The following GUCY1A2 variants were observed in gnomAD, a reference collection of about 807,000 sequenced individuals.
The protein encoded by GUCY1A2 is guanylate cyclase 1 soluble subunit alpha 2.
GUCY1A2 carries 27 observed loss-of-function variants against 63.5 expected under a neutral mutation model. The ratio of observed to expected loss-of-function variants is 0.43; its 90% CI spans 0.31 to 0.59. The LOEUF (loss-of-function observed/expected upper bound fraction) is 0.59, where lower values mean the gene tolerates loss of function less well. Ranked by LOEUF, GUCY1A2 falls within the 20% of genes least tolerant of loss-of-function variation. GUCY1A2 has a pLI of 0.11. For synonymous variants in GUCY1A2, 364 were observed against 343.5 expected (o/e 1.06, Z -0.66); for missense variants, 768 against 913.3 (o/e 0.84, Z 2.05).
intron 4 of GUCY1A2, among the ~76,000 whole-genome samples, chr11:106,914,964 T>C (rs548345434): frequency 2.6e-5 from 4 of 152,198 alleles, no homozygotes; most frequent in African/African-American, 9.6e-5. Context: ...ACATTTTATG[T>C]TGAAATTTAA....
At chr11:106,936,637 G>GTT (rs770162749) in intron 4 of GUCY1A2, 37 of 1,488,642 alleles carry the variant, frequency 2.5e-5, no homozygotes, top group Non-Finnish European at 3.3e-5. Flanking sequence ...ATCTGGAAGA[G>GTT]TTTTTTTCTA....
intron 4 of GUCY1A2, among the ~76,000 whole-genome samples, chr11:106,833,062 T>C (rs553019005): frequency 1.5e-3 from 227 of 152,142 alleles, no homozygotes; most frequent in African/African-American, 4.9e-3. Context: ...TCTCCTAGGT[T>C]CTGGTAGTTC....
At chr11:106,957,914 A>G (rs1038664262) in intron 3 of GUCY1A2, among the ~76,000 whole-genome samples, 1 of 147,930 alleles carries the variant, frequency 6.8e-6, no homozygotes, top group African/African-American at 2.5e-5. Context: ...GTTGTGGTAA[A>G]GAAATGAAAT....
At chr11:107,006,812 C>T (rs968138299) in intron 1 of GUCY1A2, among the ~76,000 whole-genome samples, 4 of 152,282 alleles carry the variant, frequency 2.6e-5, no homozygotes, top group South Asian at 2.1e-4. Context: ...ACAGGTGAAC[C>T]TTTGGGATTA....
At chr11:106,861,136 G>A (rs1859506007) in intron 4 of GUCY1A2, among the ~76,000 whole-genome samples, 2 of 151,874 alleles carry the variant, frequency 1.3e-5, no homozygotes, top group Admixed American at 1.3e-4. Flanking sequence ...ACAGGGTCTA[G>A]ATAAACCCAG....
Position 106,939,745 on chromosome 11 carries a change from C to T in GUCY1A2, c.921G>A (p.Gln307=). 1 of 1,613,936 alleles carries T rather than the reference C, an allele frequency of 6.2e-7. No individual in the cohort carries two copies. Among genetic ancestry groups the T allele is most frequent in the Non-Finnish European group, 8.5e-7 (1 of 1,179,876 alleles). ...GGTCCGCAGGAACTTGGGAGGTTCC[C>T]TGTGGAAGGTTCTTCATGATATTAG... ...ENTNIMKNLP[Q]GTSQVPADLR... Residue 307 remains glutamine (Q), a synonymous_variant, in exon 4 of 8, where the codon CAG becomes CAA. Coordinates refer to ENST00000526355, the MANE Select transcript of GUCY1A2 (RefSeq NM_000855.3).
intron 2 of GUCY1A2, among the ~76,000 whole-genome samples, chr11:106,985,316 G>C (rs1284538733): frequency 6.6e-6 from 1 of 152,190 alleles, no homozygotes; most frequent in Admixed American, 6.5e-5. Context: ...CTAAAAGCTA[G>C]ATTGCATGAG....
At chr11:106,831,556 C>T (rs556179651) in intron 4 of GUCY1A2, among the ~76,000 whole-genome samples, 36 of 152,328 alleles carry the variant, frequency 2.4e-4, no homozygotes, top group Admixed American at 2.0e-4. Context: ...TACAGCTATA[C>T]TGACTGAGTT....
intron 6 of GUCY1A2, among the ~76,000 whole-genome samples, chr11:106,723,211 G>A (rs779133379): frequency 6.6e-5 from 10 of 152,082 alleles, no homozygotes; most frequent in African/African-American, 1.4e-4. Context: ...CCATGTCTGC[G>A]TATAAGTTGT....
At chr11:106,969,419 A>G (rs1348762822) in intron 3 of GUCY1A2, among the ~76,000 whole-genome samples, 1 of 152,234 alleles carries the variant, frequency 6.6e-6, no homozygotes, top group East Asian at 1.9e-4. Flanking sequence ...CAATGAAAGC[A>G]GAGAGATAAC....
chr11:107,010,886 C>T (rs536158654), intron 1 of GUCY1A2, among the ~76,000 whole-genome samples: 129 of 152,040 alleles, frequency 8.5e-4, no homozygotes, highest in East Asian at 2.9e-3. Context: ...CCCACCACCA[C>T]GCCTGGCTAA....
At chr11:106,938,705 T>C (rs1860711934) in intron 4 of GUCY1A2, among the ~76,000 whole-genome samples, 1 of 152,218 alleles carries the variant, frequency 6.6e-6, no homozygotes, top group African/African-American at 2.4e-5. Flanking sequence ...TCTATTTTAA[T>C]GTTGACTTTT....
In GUCY1A2 at chr11:106,940,131, TAAA is replaced by T. The variant is rs1272695875; in HGVS notation, c.532_534del (p.Phe178del). 6.2e-7 allele frequency: 1 copy of T among 1,607,184 alleles called. No homozygotes were observed. The highest frequency in any genetic ancestry group is 8.5e-7 in the Non-Finnish European group (1 of 1,175,856). On this transcript the variant is annotated inframe_deletion, in exon 4 of 8. Coordinates refer to ENST00000526355, the MANE Select transcript of GUCY1A2 (RefSeq NM_000855.3). Reference sequence around the variant, plus strand: ...CTCTCATTCTCATGAAAGCATATATTAAAGAACTCTTCACCAAATCTTTTTTGA... The same window carrying T: ...CTCTCATTCTCATGAAAGCATATATTGAACTCTTCACCAAATCTTTTTTGA...
rs189442267 is a variant in GUCY1A2, at chr11:106,683,636, G to T, written c.*3913C>A. ...AGAATGCTGTTTGCTGTGGCCAGGC[G>T]TGAGGGGGTGAGATGGTTTCTAGTG... On this transcript the variant is annotated 3_prime_UTR_variant, in exon 8 of 8. Coordinates refer to ENST00000526355, the MANE Select transcript of GUCY1A2 (RefSeq NM_000855.3). The T allele has an allele frequency of 4.4e-6, 1 of 226,776 alleles. No individual in the cohort carries two copies. Among genetic ancestry groups the T allele is most frequent in the Non-Finnish European group, 8.8e-6 (1 of 113,952 alleles). The allele number at this position is 226,776 out of a possible 1,614,324, so 14.0% of individuals were successfully genotyped here.
chr11:107,017,721 G>A (rs185748724), intron 1 of GUCY1A2, 32 bp downstream of exon 1: 7 of 1,284,846 alleles, frequency 5.4e-6, no homozygotes, highest in Middle Eastern at 3.0e-4. Context: ...TCTCTCCCCC[G>A]AAGGCGGTCC....
chr11:107,013,572 G>T (rs1861777443), intron 1 of GUCY1A2, among the ~76,000 whole-genome samples: 2 of 152,156 alleles, frequency 1.3e-5, no homozygotes, highest in South Asian at 4.1e-4. Context: ...TTTGGAGACA[G>T]AGTCTCGCTG....
intron 3 of GUCY1A2, among the ~76,000 whole-genome samples, chr11:106,954,698 T>A (rs1244752047): frequency 6.6e-6 from 1 of 152,202 alleles, no homozygotes; most frequent in Non-Finnish European, 1.5e-5. Flanking sequence ...CTGTATTGGG[T>A]ACATATATAT....
intron 4 of GUCY1A2, among the ~76,000 whole-genome samples, chr11:106,918,687 G>A (rs567869100): frequency 6.9e-6 from 1 of 145,274 alleles, no homozygotes; most frequent in African/African-American, 2.4e-5. Flanking sequence ...CACTTACCCA[G>A]GCAAACAACT....
chr11:106,724,668 CA>C (rs1234543519), intron 6 of GUCY1A2, among the ~76,000 whole-genome samples: 1 of 152,174 alleles, frequency 6.6e-6, no homozygotes, highest in Non-Finnish European at 1.5e-5. Context: ...CCTGGTTATG[CA>C]ATATATTATC....
Sources: allele counts gnomAD v4.1 joint callset (sites outside exome capture counted in the v4.1 genomes callset), GRCh38; gene constraint gnomAD v4.1.1; transcripts MANE v1.5; gene names NCBI Gene and HGNC (gene_info 2026-07-23, HGNC 2026-07-21).